Variants in PLEKHD1 observed in about 807,000 individuals in gnomAD.
PLEKHD1 encodes pleckstrin homology and coiled-coil domain containing D1.
Under a neutral mutation model 69.2 loss-of-function variants are expected in PLEKHD1, and 51 were observed. The ratio of observed to expected loss-of-function variants is 0.74; its 90% CI spans 0.59 to 0.93. PLEKHD1 has a LOEUF of 0.93. Among genes scored for constraint, PLEKHD1 ranks in the 40% least tolerant of loss-of-function variants. The pLI is 0.00. For synonymous variants in PLEKHD1, 236 were observed against 244.7 expected (o/e 0.96, Z 0.33); for missense variants, 584 against 641.0 (o/e 0.91, Z 0.96).
At chr14:69,499,848 G>A (rs1882981672) in intron 1 of PLEKHD1, among the ~76,000 whole-genome samples, 1 of 152,196 alleles carries the variant, frequency 6.6e-6, no homozygotes, top group Non-Finnish European at 1.5e-5. Context: ...TGGTGGTTCA[G>A]CGGGACAGAG....
At chr14:69,486,568 A>G (rs1882659714) in intron 1 of PLEKHD1, among the ~76,000 whole-genome samples, 1 of 152,188 alleles carries the variant, frequency 6.6e-6, no homozygotes, top group African/African-American at 2.4e-5. Flanking sequence ...CACAATTAGC[A>G]GAATATCTCC....
intron 12 of PLEKHD1, 74 bp downstream of exon 12, chr14:69,528,006 G>C (rs776389176): frequency 1.3e-6 from 2 of 1,543,424 alleles, no homozygotes; most frequent in Non-Finnish European, 1.7e-6. Flanking sequence ...GAGCCAGAAG[G>C]GTTGGCCCAG....
At chr14:69,522,221 G>T in intron 6 of PLEKHD1, 62 bp from the exon 7 acceptor site, 1 of 1,453,290 alleles carries the variant, frequency 6.9e-7, no homozygotes, top group South Asian at 1.2e-5. Flanking sequence ...TAGAGTGGGG[G>T]ATCCTGATCT....
At chr14:69,478,910 A>G in the PLEKHD1 span, among the ~76,000 whole-genome samples, 41 of 151,910 alleles carry the variant, frequency 2.7e-4, no homozygotes, top group Admixed American at 2.7e-3. Flanking sequence ...GCAGCACCCT[A>G]CTCTACTGGT....
At chr14:69,498,986 C>T (rs1304475412) in intron 1 of PLEKHD1, among the ~76,000 whole-genome samples, 3 of 152,068 alleles carry the variant, frequency 2.0e-5, no homozygotes, top group Non-Finnish European at 4.4e-5. Context: ...CACAAGAGGG[C>T]CCATTCGACC....
intron 6 of PLEKHD1, among the ~76,000 whole-genome samples, chr14:69,516,973 T>C (rs1176063961): frequency 6.6e-6 from 1 of 152,184 alleles, no homozygotes; most frequent in Admixed American, 6.5e-5. Flanking sequence ...AATAGTGAAG[T>C]TGGCTGCAAT....
chr14:69,484,461 T>C (rs1594970216), upstream of PLEKHD1, among the ~76,000 whole-genome samples: 1 of 150,516 alleles, frequency 6.6e-6, no homozygotes, highest in Admixed American at 6.6e-5. Flanking sequence ...GACCCCGGGG[T>C]GGTGTTGGGC....
chr14:69,500,015 CT>C, intron 1 of PLEKHD1, 99 bp from the exon 2 acceptor site: 1 of 759,922 alleles, frequency 1.3e-6, no homozygotes, highest in Non-Finnish European at 2.2e-6. Flanking sequence ...TCCCTGTGGG[CT>C]CCCATGTGAG....
intron 6 of PLEKHD1, among the ~76,000 whole-genome samples, chr14:69,505,976 G>A (rs940432829): frequency 2.0e-5 from 3 of 152,192 alleles, no homozygotes; most frequent in Non-Finnish European, 4.4e-5. Flanking sequence ...CCATGCACAT[G>A]AGCAGGTGCA....
rs543636076 is a variant in PLEKHD1 at position 69,528,474 on chromosome 14, G to A, written c.*55G>A. The A allele has an allele frequency of 2.0e-5, 31 of 1,524,858 alleles. No individual in the cohort carries two copies. The East Asian group carries it at 3.4e-4, about 17-fold the overall frequency. 94.5% of individuals were successfully genotyped at this position (1,524,858 alleles called of 1,614,324 possible). ...CCCCTGGATGGGCGGGGGAGGGGAA[G>A]GGGTGGCAGAGGGAGGCCTCACTCT... On this transcript the variant is annotated 3_prime_UTR_variant, in exon 13 of 13. Transcript: ENST00000322564.
chr14:69,471,568 T>C, the PLEKHD1 span, among the ~76,000 whole-genome samples: 2 of 152,136 alleles, frequency 1.3e-5, no homozygotes, highest in African/African-American at 4.8e-5. Flanking sequence ...AGTCTAGACC[T>C]GGTTCAAGGA....
At chr14:69,521,048 C>G (rs1385922779) in intron 6 of PLEKHD1, among the ~76,000 whole-genome samples, 1 of 152,218 alleles carries the variant, frequency 6.6e-6, no homozygotes, top group Non-Finnish European at 1.5e-5. Context: ...AGGAGGATGG[C>G]TTGAGCTTGG....
rs572482093 is a variant in PLEKHD1, at chr14:69,500,584, T to C, written c.251T>C (p.Ile84Thr). ...KYFNIHPKGV[I>T]PLGGCLVEPK... ...GTTCTGGTTCTTCCTCAGGGCGTCA[T>C]CCCTCTGGGGGGCTGCCTGGTGGAG... Residue 84 changes from isoleucine (I) to threonine (T), a missense_variant, in exon 3 of 13, where the codon ATC becomes ACC. Coordinates refer to ENST00000322564, the MANE Select transcript of PLEKHD1 (RefSeq NM_001161498.2). 1.3e-6 allele frequency: 2 copies of C among 1,549,488 alleles called. No individual in the cohort carries two copies. The highest frequency in any genetic ancestry group is 2.4e-5 in the East Asian group (1 of 40,910).
intron 6 of PLEKHD1, among the ~76,000 whole-genome samples, chr14:69,521,714 G>C (rs1476953519): frequency 1.3e-5 from 2 of 152,216 alleles, no homozygotes; most frequent in Non-Finnish European, 2.9e-5. Context: ...CCTGGGGCCT[G>C]TCCTGCACTT....
chr14:69,506,706 TGA>T (rs1883157713), intron 6 of PLEKHD1, among the ~76,000 whole-genome samples: 1 of 152,168 alleles, frequency 6.6e-6, no homozygotes, highest in Non-Finnish European at 1.5e-5. Flanking sequence ...TTACAATCAA[TGA>T]GTCAACATTG....
intron 10 of PLEKHD1, 73 bp downstream of exon 10, chr14:69,526,902 C>T (rs923117542): frequency 1.5e-5 from 22 of 1,446,870 alleles, no homozygotes; most frequent in South Asian, 1.0e-4. Flanking sequence ...TGCACTTTAC[C>T]GGGTAGCTGC....
chr14:69,494,477 G>C (rs1186278122), intron 1 of PLEKHD1, among the ~76,000 whole-genome samples: 1 of 152,018 alleles, frequency 6.6e-6, no homozygotes, highest in Non-Finnish European at 1.5e-5. Context: ...TCTGCCCTAG[G>C]AGTATGGCTT....
At chr14:69,496,948 A>G (rs763185303) in intron 1 of PLEKHD1, among the ~76,000 whole-genome samples, 1 of 152,098 alleles carries the variant, frequency 6.6e-6, no homozygotes, top group Non-Finnish European at 1.5e-5. Flanking sequence ...CCTTATCTCC[A>G]AATACAGTCA....
rs1006790262 is a variant in PLEKHD1, at chr14:69,528,742, T to C, written c.*323T>C. ...TCGGTTAGGGAGTGGGGTGGGGAGG[T>C]GCTGTCTACCACTGTGCCATCAGGC... On this transcript the variant is annotated 3_prime_UTR_variant, in exon 13 of 13. Coordinates refer to ENST00000322564, the MANE Select transcript of PLEKHD1 (RefSeq NM_001161498.2). The C allele has an allele frequency of 1.2e-5, 4 of 344,070 alleles. No individual in the cohort carries two copies. Among genetic ancestry groups the C allele is most frequent in the African/African-American group, 8.4e-5 (4 of 47,824 alleles). 21.3% of individuals were successfully genotyped at this position (344,070 alleles called of 1,614,324 possible). A position where few individuals can be genotyped will look rare whatever the true frequency, so the allele number is the denominator to read the frequency against.
Sources: gnomAD v4.1 joint callset for allele counts (sites outside exome capture counted in the v4.1 genomes callset) on GRCh38, gnomAD v4.1.1 for gene constraint, MANE v1.5 for transcripts, NCBI Gene and HGNC (gene_info 2026-07-23, HGNC 2026-07-21) for gene names.